ARHGAP12: variants seen among roughly 807,000 people sequenced by gnomAD.
The protein encoded by ARHGAP12 is Rho GTPase activating protein 12.
ARHGAP12 carries 64 observed loss-of-function variants against 108.6 expected under a neutral mutation model. The observed-to-expected ratio is 0.59, with a 90% CI of 0.48 to 0.73. The LOEUF is 0.73. ARHGAP12 is among the 30% of genes least tolerant of loss of function. ARHGAP12 has a pLI of 0.00. For missense variants in ARHGAP12, 940 were observed against 1,005.9 expected, an observed-to-expected ratio of 0.93 and a Z score of 0.89; for synonymous variants, 312 against 337.2, an observed-to-expected ratio of 0.93 and a Z score of 0.82.
intron 3 of ARHGAP12, among the ~76,000 whole-genome samples, chr10:31,885,881 T>C (rs1257698711): frequency 2.6e-5 from 4 of 151,060 alleles, no homozygotes; most frequent in East Asian, 1.9e-4. Flanking sequence ...TATTCAACCA[T>C]AGCTTAAAAA....
chr10:31,891,406 G>T (rs1339421070), intron 3 of ARHGAP12, among the ~76,000 whole-genome samples: 3 of 152,220 alleles, frequency 2.0e-5, no homozygotes, highest in South Asian at 2.1e-4. Flanking sequence ...TTGAATATTG[G>T]CTCCCACTCT....
intron 3 of ARHGAP12, among the ~76,000 whole-genome samples, chr10:31,888,134 A>C (rs1270949374): frequency 6.6e-6 from 1 of 152,162 alleles, no homozygotes; most frequent in Non-Finnish European, 1.5e-5. Context: ...TATACGTGGG[A>C]AGACCTAGAG....
chr10:31,872,067 ATT>A (rs1837561371), intron 3 of ARHGAP12, among the ~76,000 whole-genome samples: 2 of 152,088 alleles, frequency 1.3e-5, no homozygotes, highest in African/African-American at 4.8e-5. Context: ...CTAGAACTTC[ATT>A]CTCTTTAAGG....
chr10:31,844,452 A>G (rs1262534806), intron 6 of ARHGAP12, among the ~76,000 whole-genome samples: 1 of 152,174 alleles, frequency 6.6e-6, no homozygotes, highest in Non-Finnish European at 1.5e-5. Flanking sequence ...AATCTTAGTA[A>G]CATTCTTACT....
At chr10:31,856,911 G>A (rs528939322) in intron 4 of ARHGAP12, among the ~76,000 whole-genome samples, 1 of 151,708 alleles carries the variant, frequency 6.6e-6, no homozygotes, top group East Asian at 1.9e-4. Context: ...TTCACTGCAG[G>A]AAAAAAAACT....
In ARHGAP12 at chr10:31,908,687, C is replaced by T; in HGVS notation, c.169G>A (p.Glu57Lys). 6.2e-7 allele frequency: 1 copy of T among 1,614,110 alleles called. No individual in the cohort carries two copies. The highest frequency in any genetic ancestry group is 1.3e-5 in the African/African-American group (1 of 75,066). The change falls in exon 3 of 20, where the codon GAA becomes AAA. Residue 57 changes from glutamate (E) to lysine (K), a missense_variant. Coordinates refer to ENST00000344936, the MANE Select transcript of ARHGAP12 (RefSeq NM_018287.7). ...GGCACATAAAACGCTTTGGAGTTTT[C>T]ATCTGGCTTGACTTGCCACCAGTCA... is the stretch of plus-strand genomic sequence containing the variant. ...NDDWWQVKPD[E>K]NSKAFYVPAQ...
At chr10:31,859,210 A>G (rs1837013763) in intron 4 of ARHGAP12, among the ~76,000 whole-genome samples, 1 of 152,206 alleles carries the variant, frequency 6.6e-6, no homozygotes, top group Admixed American at 6.5e-5. Flanking sequence ...GACCACATGC[A>G]AAATGAATGC....
intron 6 of ARHGAP12, among the ~76,000 whole-genome samples, chr10:31,850,139 C>T (rs1564388668): frequency 1.3e-5 from 2 of 152,124 alleles, no homozygotes; most frequent in Non-Finnish European, 2.9e-5. Flanking sequence ...CAGATGATTC[C>T]TCCAAAAACT....
rs1272244830 is a variant in ARHGAP12 at position 31,817,833 on chromosome 10, AAC to A, written c.1684_1685del (p.Val562TyrfsTer2). 6.2e-7 allele frequency: 1 copy of A among 1,612,510 alleles called. No individual in the cohort carries two copies. Among genetic ancestry groups the A allele is most frequent in the African/African-American group, 1.3e-5 (1 of 74,934 alleles). ...TAAGAACTTTAAACCAATCATTAAT[AAC>A]AGTGTCATTGTCAGACTGAATTAGC... ...ELLIQSDNDT[V>X]INDWFKVLSS... is the part of the protein sequence containing the mutation. On this transcript the variant is annotated frameshift_variant, in exon 13 of 20. Transcript: ENST00000344936. LOFTEE classifies it high-confidence loss of function.
chr10:31,909,372 G>A (rs759676303), intron 2 of ARHGAP12, among the ~76,000 whole-genome samples: 15 of 151,944 alleles, frequency 9.9e-5, no homozygotes, highest in Non-Finnish European at 1.5e-4. Context: ...CCTAGAACAC[G>A]GCATTACGGG....
rs1326817963 is a variant in ARHGAP12 at position 31,808,633 on chromosome 10, T to C, written c.2366+16A>G. On this transcript the variant is annotated intron_variant, in intron 19 of 19. Coordinates refer to ENST00000344936, the MANE Select transcript of ARHGAP12 (RefSeq NM_018287.7). ...CTTGTGCTATACCACATCCCATGAC[T>C]GGGCAGTCCTCCTACCTTCTGAGAT... 1.2e-6 allele frequency: 2 copies of C among 1,610,422 alleles called. No homozygotes were observed. The highest frequency in any genetic ancestry group is 1.7e-6 in the Non-Finnish European group (2 of 1,177,420).
chr10:31,862,459 T>C (rs1223260121), intron 3 of ARHGAP12, among the ~76,000 whole-genome samples: 1 of 152,134 alleles, frequency 6.6e-6, no homozygotes, highest in Admixed American at 6.6e-5. Context: ...GCACTGTAAA[T>C]TGTATTAGGT....
At chr10:31,878,590 A>G (rs1307578866) in intron 3 of ARHGAP12, among the ~76,000 whole-genome samples, 3 of 152,238 alleles carry the variant, frequency 2.0e-5, no homozygotes, top group Non-Finnish European at 4.4e-5. Flanking sequence ...GCAGTTCCCT[A>G]TATTCCTTTA....
Position 31,889,171 on chromosome 10 carries a change from C to T in ARHGAP12, c.684+19001G>A, listed in dbSNP as rs1449650759. 2.6e-5 allele frequency among the ~76,000 whole-genome samples: 4 copies of T among 152,184 alleles called. No homozygotes were observed. In the East Asian group the frequency reaches 7.7e-4, roughly 29 times the overall value. On this transcript the variant is annotated intron_variant, in intron 3 of 19. Transcript: ENST00000344936. Reference sequence around the variant, plus strand: ...AAGTGATCCGCCCACCTTGGCCTCCCAAAGTGCAGCGATTACAGACGTGAG... The same window carrying T: ...AAGTGATCCGCCCACCTTGGCCTCCTAAAGTGCAGCGATTACAGACGTGAG...
intron 1 of ARHGAP12, among the ~76,000 whole-genome samples, chr10:31,927,200 A>C (rs1840083864): frequency 6.6e-6 from 1 of 152,208 alleles, no homozygotes; most frequent in Admixed American, 6.5e-5. Flanking sequence ...TTGGGCTCTC[A>C]AAACCCAGCT....
chr10:31,861,153 G>C (rs993560953), intron 4 of ARHGAP12, among the ~76,000 whole-genome samples: 4 of 152,198 alleles, frequency 2.6e-5, no homozygotes, highest in Non-Finnish European at 5.9e-5. Flanking sequence ...ACTGGCACTA[G>C]ACAACTTAAA....
At chr10:31,810,202 A>G (rs1163329607) in intron 16 of ARHGAP12, among the ~76,000 whole-genome samples, 1 of 152,206 alleles carries the variant, frequency 6.6e-6, no homozygotes, top group African/African-American at 2.4e-5. Flanking sequence ...AGAAAATGAC[A>G]TAAAAATTTT....
intron 10 of ARHGAP12, among the ~76,000 whole-genome samples, chr10:31,827,383 A>C (rs969967875): frequency 6.6e-6 from 1 of 152,236 alleles, no homozygotes; most frequent in Non-Finnish European, 1.5e-5. Context: ...AGGAAAATAA[A>C]TTAAAATTAC....
intron 3 of ARHGAP12, among the ~76,000 whole-genome samples, chr10:31,873,900 G>A (rs756390241): frequency 9.2e-5 from 14 of 152,206 alleles, no homozygotes; most frequent in Non-Finnish European, 1.5e-4. Flanking sequence ...GTAAGACTTA[G>A]TTACTATTTT....
Sources: allele counts gnomAD v4.1 joint callset (sites outside exome capture counted in the v4.1 genomes callset), GRCh38; gene constraint gnomAD v4.1.1; transcripts MANE v1.5; gene names NCBI Gene and HGNC (gene_info 2026-07-23, HGNC 2026-07-21).